Variants in INSL6 observed in about 807,000 individuals in gnomAD.
INSL6 encodes insulin-like peptide INSL6.
In INSL6, 16 loss-of-function variants were observed where a neutral mutation model predicts 9.4. The ratio of observed to expected loss-of-function variants is 1.70; its 90% CI spans 1.15 to 2.59. The LOEUF (loss-of-function observed/expected upper bound fraction) is 2.59, where lower values mean the gene tolerates loss of function less well. INSL6 is among the 30% of genes most tolerant of loss of function. INSL6 has a pLI of 0.00. For synonymous variants in INSL6, 154 were observed against 96.9 expected (o/e 1.59, Z -3.46); for missense variants, 391 against 257.3 (o/e 1.52, Z -3.56).
chr9:5,064,917 C>G, the INSL6 span: 3 of 1,595,606 alleles, frequency 1.9e-6, no homozygotes, highest in Admixed American at 1.7e-5. Context: ...GAAGCTTTGT[C>G]TTTCGTGTCA....
At chr9:5,163,795 C>T (rs1824979699), downstream of INSL6, 4 of 689,454 alleles carry the variant, frequency 5.8e-6, no homozygotes, top group Non-Finnish European at 9.9e-6. Flanking sequence ...TGGTCAAGTG[C>T]TTGCAAGTAC....
At chr9:5,138,507 T>A (rs905263187) in intron 2 of INSL6, among the ~76,000 whole-genome samples, 3 of 151,912 alleles carry the variant, frequency 2.0e-5, no homozygotes, top group Non-Finnish European at 2.9e-5. Context: ...CCACATGTTC[T>A]CACTCATAAG....
chr9:5,182,581 GTTGAACTAA>G (rs1825481874), intron 1 of INSL6, among the ~76,000 whole-genome samples: 1 of 151,986 alleles, frequency 6.6e-6, no homozygotes, highest in South Asian at 2.1e-4. Flanking sequence ...CTCAAATTTT[GTTGAACTAA>G]TATATAAAGA....
the INSL6 span, among the ~76,000 whole-genome samples, chr9:5,020,524 G>A: frequency 6.6e-6 from 1 of 152,136 alleles, no homozygotes; most frequent in African/African-American, 2.4e-5. Context: ...TGCTGGGGAG[G>A]GTGCAGTTGC....
At chr9:5,136,041 C>A (rs1484077636) in intron 2 of INSL6, among the ~76,000 whole-genome samples, 1 of 152,094 alleles carries the variant, frequency 6.6e-6, no homozygotes, top group Non-Finnish European at 1.5e-5. Context: ...AGATAAATTC[C>A]TGGACACATA....
chr9:5,113,982 TG>T, the INSL6 span: 372 of 270,750 alleles, frequency 1.4e-3, no homozygotes, highest in Non-Finnish European at 2.1e-3. Context: ...CAGCATCACC[TG>T]GCTGGAGGAT....
intron 3 of INSL6, chr9:5,132,812 G>T (rs552410676): frequency 6.6e-6 from 1 of 152,312 alleles, no homozygotes; most frequent in Non-Finnish European, 1.5e-5. Context: ...TTACTTGAGG[G>T]TGAATCCTGA....
intron 3 of INSL6, chr9:5,126,271 T>A: frequency 1.6e-6 from 2 of 1,214,834 alleles, no homozygotes; most frequent in Middle Eastern, 2.0e-4. Flanking sequence ...CTGGAGGAAA[T>A]TGAGAAAGAA....
At chr9:5,100,518 G>T in the INSL6 span, 4 of 152,146 alleles carry the variant, frequency 2.6e-5, no homozygotes, top group Non-Finnish European at 4.4e-5. Context: ...ATTCTTCTTT[G>T]CTGGTTTCTT....
At chr9:5,157,921 G>C (rs1024237118) in intron 2 of INSL6, among the ~76,000 whole-genome samples, 1 of 152,104 alleles carries the variant, frequency 6.6e-6, no homozygotes, top group African/African-American at 2.4e-5. Flanking sequence ...CAAAAGAGCT[G>C]TTTTAAGGAA....
At chr9:5,134,737 CA>C (rs1824359458) in intron 2 of INSL6, among the ~76,000 whole-genome samples, 1 of 152,140 alleles carries the variant, frequency 6.6e-6, no homozygotes, top group Non-Finnish European at 1.5e-5. Flanking sequence ...AAAAACATGC[CA>C]AATTGTAAAG....
At chr9:5,042,042 G>A in the INSL6 span, 1 of 306,688 alleles carries the variant, frequency 3.3e-6, no homozygotes, top group Non-Finnish European at 6.3e-6. Context: ...TGGAAGCCAG[G>A]ACACAGACTG....
chr9:5,035,029 C>A, the INSL6 span, among the ~76,000 whole-genome samples: 1 of 151,992 alleles, frequency 6.6e-6, no homozygotes, highest in Non-Finnish European at 1.5e-5. Context: ...CAAATACATG[C>A]AATAAAAAAT....
the INSL6 span, among the ~76,000 whole-genome samples, chr9:5,012,201 C>T: frequency 2.6e-4 from 39 of 152,272 alleles, no homozygotes; most frequent in Non-Finnish European, 5.6e-4. Flanking sequence ...CTGTCCCCTC[C>T]TCTGGCCCCT....
chr9:5,044,717 T>C, the INSL6 span, among the ~76,000 whole-genome samples: 6 of 145,216 alleles, frequency 4.1e-5, no homozygotes, highest in Non-Finnish European at 8.8e-5. Context: ...AGAATCTATT[T>C]TATAAAGTTT....
the INSL6 span, among the ~76,000 whole-genome samples, chr9:5,101,871 C>T: frequency 6.6e-6 from 1 of 152,162 alleles, no homozygotes; most frequent in Non-Finnish European, 1.5e-5. Flanking sequence ...ACAAAAAGGG[C>T]ATCCACACCA....
At chr9:5,033,419 A>C in the INSL6 span, among the ~76,000 whole-genome samples, 3 of 152,184 alleles carry the variant, frequency 2.0e-5, no homozygotes, top group Non-Finnish European at 4.4e-5. Context: ...GAGAAGAGCA[A>C]CTCCAACACA....
At chr9:5,102,977 C>G in the INSL6 span, among the ~76,000 whole-genome samples, 1 of 152,016 alleles carries the variant, frequency 6.6e-6, no homozygotes. Context: ...TAGGAAGAAA[C>G]AGCATCAACT....
chr9:5,081,126 A>T, the INSL6 span, among the ~76,000 whole-genome samples: 1 of 151,814 alleles, frequency 6.6e-6, no homozygotes, highest in Non-Finnish European at 1.5e-5. Flanking sequence ...CGATCTCCTG[A>T]TCTTGTGATC....
Sources: gnomAD v4.1 joint callset for allele counts (sites outside exome capture counted in the v4.1 genomes callset) on GRCh38, gnomAD v4.1.1 for gene constraint, MANE v1.5 for transcripts, NCBI Gene and HGNC (gene_info 2026-07-23, HGNC 2026-07-21) for gene names.